The following SYNE1 variants were observed in gnomAD, a reference collection of about 807,000 sequenced individuals.
SYNE1 encodes the protein nesprin-1.
SYNE1 carries 616 observed loss-of-function variants against 1,111.0 expected under a neutral mutation model. That is an observed-to-expected ratio of 0.55 (90% CI 0.52 to 0.59). The LOEUF (loss-of-function observed/expected upper bound fraction) is 0.59, where lower values mean the gene tolerates loss of function less well. Ranked by LOEUF, SYNE1 falls within the 20% of genes least tolerant of loss-of-function variation. The pLI is 0.00. For missense variants in SYNE1, 10,006 were observed against 10,417.0 expected (o/e 0.96, Z 1.72); for synonymous variants, 3,855 against 3,825.8 (o/e 1.01, Z -0.28).
At chr6:152,203,842 A>T (rs1023754049) in intron 126 of SYNE1, among the ~76,000 whole-genome samples, 10 of 152,062 alleles carry the variant, frequency 6.6e-5, no homozygotes, top group Non-Finnish European at 1.5e-4. Context: ...CAGAAAAAAA[A>T]ATTCTTAAAA....
In SYNE1 at chr6:152,256,768, G is replaced by A; in HGVS notation, c.18973-3C>T. On this transcript the variant is annotated splice_region_variant and splice_polypyrimidine_tract_variant and intron_variant, in intron 101 of 145. Transcript: ENST00000367255. ...AGTCGATTTGGCCTGCTATAAAGCT[G>A]TAGGCAAACAAAGGCAGCTTGTTGA... 2.5e-6 allele frequency: 4 copies of A among 1,613,428 alleles called. No homozygotes were observed. The highest frequency in any genetic ancestry group is 1.7e-4 in the Middle Eastern group (1 of 6,056).
intron 41 of SYNE1, among the ~76,000 whole-genome samples, 182 bp from the exon 42 acceptor site, chr6:152,413,713 TAACTC>T (rs2098108261): frequency 6.6e-6 from 1 of 152,144 alleles, no homozygotes; most frequent in Non-Finnish European, 1.5e-5. Context: ...TTTTGCAAAA[TAACTC>T]AGACTGTACC....
In SYNE1 at chr6:152,300,699, G is replaced by T. The variant is rs1043563187; in HGVS notation, c.17624C>A (p.Ser5875Tyr). 5 of 1,614,096 alleles carry T rather than the reference G, an allele frequency of 3.1e-6. No individual in the cohort carries two copies. The highest frequency in any genetic ancestry group is 2.2e-5 in the South Asian group (2 of 91,088). Reference sequence around the variant, plus strand: ...TGAAGGGGAGCGACAGGCAGGTGGAGAGGAAATCTCACTGTTGGTTCCCTC... The same window carrying T: ...TGAAGGGGAGCGACAGGCAGGTGGATAGGAAATCTCACTGTTGGTTCCCTC... ...GEEGTNSEIS[S>Y]PPACRSPSPV... Residue 5875 changes from serine (S) to tyrosine (Y), a missense_variant, in exon 93 of 146, where the codon TCT (serine) becomes TAT (tyrosine). By Grantham distance (144) the Ser-to-Tyr change is moderately radical. Transcript: ENST00000367255.
At chr6:152,562,406 T>A (rs1488524838) in intron 3 of SYNE1, among the ~76,000 whole-genome samples, 1 of 152,036 alleles carries the variant, frequency 6.6e-6, no homozygotes, top group Non-Finnish European at 1.5e-5. Context: ...CAAGTGTTGG[T>A]GAGGATGTGG....
At chr6:152,236,761 T>C (rs1316101869) in intron 109 of SYNE1, 56 bp downstream of exon 109, 2 of 1,606,142 alleles carry the variant, frequency 1.2e-6, no homozygotes, top group African/African-American at 2.7e-5. Context: ...TTGTTTACAT[T>C]CTGTTAAAAC....
chr6:152,573,331 C>A (rs1595621036), intron 3 of SYNE1, among the ~76,000 whole-genome samples: 1 of 97,706 alleles, frequency 1.0e-5, no homozygotes, highest in African/African-American at 4.5e-5. Context: ...ATCCCCCCCC[C>A]TCCCCCCACC....
chr6:152,184,207 A>C (rs1040266475), intron 128 of SYNE1, among the ~76,000 whole-genome samples: 12 of 152,192 alleles, frequency 7.9e-5, no homozygotes, highest in Non-Finnish European at 1.3e-4. Flanking sequence ...AGACTGAAGC[A>C]GGTGGATCAC....
intron 126 of SYNE1, among the ~76,000 whole-genome samples, chr6:152,203,599 T>C (rs1037105146): frequency 1.3e-5 from 2 of 152,200 alleles, no homozygotes; most frequent in African/African-American, 2.4e-5. Context: ...CATCAGTCTT[T>C]TCTTATCTGG....
chr6:152,237,092 A>T, intron 108 of SYNE1, 144 bp from the exon 109 acceptor site: 1 of 1,137,620 alleles, frequency 8.8e-7, no homozygotes, highest in African/African-American at 1.5e-5. Flanking sequence ...TGGGAAGCAA[A>T]AGATGGCTTT....
chr6:152,411,887 G>A (rs958972024), intron 42 of SYNE1, among the ~76,000 whole-genome samples: 5 of 152,122 alleles, frequency 3.3e-5, no homozygotes, highest in African/African-American at 7.2e-5. Flanking sequence ...CAACTACTTC[G>A]AAAAATAGTT....
At chr6:152,301,115 G>A (rs1178873588) in intron 92 of SYNE1, among the ~76,000 whole-genome samples, 2 of 152,150 alleles carry the variant, frequency 1.3e-5, no homozygotes, top group African/African-American at 2.4e-5. Context: ...ATGAGAAAAG[G>A]TCTGTGAAAT....
intron 130 of SYNE1, chr6:152,167,986 C>A (rs2064070783): frequency 1.3e-6 from 1 of 778,346 alleles, no homozygotes; most frequent in Non-Finnish European, 2.4e-6. Context: ...AGCTATCTCC[C>A]AACACCAATC....
At chr6:152,390,162 G>T (rs1298470688) in intron 53 of SYNE1, 118 bp downstream of exon 53, 2 of 1,059,012 alleles carry the variant, frequency 1.9e-6, no homozygotes, top group Non-Finnish European at 2.9e-6. Context: ...AGACAGGCAT[G>T]CCTACAAGCT....
chr6:152,279,977 T>C (rs2093931003), intron 97 of SYNE1, among the ~76,000 whole-genome samples: 1 of 152,124 alleles, frequency 6.6e-6, no homozygotes, highest in Admixed American at 6.5e-5. Context: ...CTGAATATAA[T>C]AATATGGAAT....
At chr6:152,447,805 T>A (rs992414872) in intron 28 of SYNE1, among the ~76,000 whole-genome samples, 183 bp from the exon 29 acceptor site, 13 of 152,372 alleles carry the variant, frequency 8.5e-5, no homozygotes, top group African/African-American at 3.1e-4. Context: ...CCACAAGTGC[T>A]TGAAAGAAAA....
At chr6:152,450,519 C>G (rs1447470647) in intron 27 of SYNE1, 106 bp downstream of exon 27, 1 of 1,095,230 alleles carries the variant, frequency 9.1e-7, no homozygotes, top group African/African-American at 1.5e-5. Flanking sequence ...TGTACGAGAA[C>G]ATGAGCAAGA....
At chr6:152,544,195 C>T (rs1226062781) in intron 3 of SYNE1, among the ~76,000 whole-genome samples, 1 of 152,128 alleles carries the variant, frequency 6.6e-6, no homozygotes, top group Admixed American at 6.6e-5. Context: ...AGAGGTGTGG[C>T]TGGGGAAGCC....
At chr6:152,625,419 C>T (rs2099683806) in intron 3 of SYNE1, among the ~76,000 whole-genome samples, 1 of 152,238 alleles carries the variant, frequency 6.6e-6, no homozygotes, top group African/African-American at 2.4e-5. Context: ...ATCACTTTCA[C>T]TTCCTGCCAT....
At chr6:152,507,606 A>C (rs1026387603) in intron 8 of SYNE1, among the ~76,000 whole-genome samples, 1 of 152,200 alleles carries the variant, frequency 6.6e-6, no homozygotes, top group Non-Finnish European at 1.5e-5. Context: ...CACAGCATTT[A>C]AAGAAGTGAT....
Sources: allele counts gnomAD v4.1 joint callset (sites outside exome capture counted in the v4.1 genomes callset), GRCh38; gene constraint gnomAD v4.1.1; transcripts MANE v1.5; gene names NCBI Gene and HGNC (gene_info 2026-07-23, HGNC 2026-07-21).